ZNF536: variants seen among roughly 807,000 people sequenced by gnomAD.
ZNF536 encodes zinc finger protein 536.
A neutral mutation model predicts 84.5 loss-of-function variants in ZNF536; 13 were observed. The ratio of observed to expected loss-of-function variants is 0.15; its 90% CI spans 0.10 to 0.24. The LOEUF is 0.24. Ranked by LOEUF, ZNF536 falls within the 10% of genes least tolerant of loss-of-function variation. The pLI is 1.00. For missense variants in ZNF536, 1,536 were observed against 1,747.5 expected (o/e 0.88, Z 2.16); for synonymous variants, 811 against 742.5 (o/e 1.09, Z -1.50).
rs867388704 is a variant in ZNF536 at position 30,548,747 on chromosome 19, A to G, written c.3128A>G (p.Asp1043Gly). ...NTIGVTVNCK[D>G]QAREASKMAL... Reference sequence around the variant, plus strand: ...ATCGGGGTCACAGTCAACTGCAAAGACCAAGCCCGGGAGGCGAGTAAGATG... The same window carrying G: ...ATCGGGGTCACAGTCAACTGCAAAGGCCAAGCCCGGGAGGCGAGTAAGATG... Residue 1043 changes from aspartate to glycine, a missense_variant, in exon 4 of 5, where the codon GAC becomes GGC. Physicochemically the swap from Asp to Gly is moderately conservative, Grantham distance 94. Transcript: ENST00000355537. The G allele has an allele frequency of 1.2e-6, 2 of 1,613,830 alleles. No homozygotes were observed. Among genetic ancestry groups the G allele is most frequent in the African/African-American group, 2.7e-5 (2 of 74,916 alleles).
At chr19:30,452,941 T>C (rs1485703836) in intron 2 of ZNF536, among the ~76,000 whole-genome samples, 1 of 116,254 alleles carries the variant, frequency 8.6e-6, no homozygotes, top group Non-Finnish European at 1.7e-5. Context: ...GGCTTGCAAA[T>C]GCAGAGGAAA....
At chr19:30,500,526 T>C (rs1415933102) in intron 2 of ZNF536, among the ~76,000 whole-genome samples, 2 of 152,160 alleles carry the variant, frequency 1.3e-5, no homozygotes, top group African/African-American at 2.4e-5. Context: ...CTCCTGGTTC[T>C]AGACTCTCAG....
intron 2 of ZNF536, among the ~76,000 whole-genome samples, chr19:30,337,422 C>T (rs958847174): frequency 2.6e-5 from 4 of 152,186 alleles, no homozygotes; most frequent in African/African-American, 4.8e-5. Context: ...TTCCCTTTGC[C>T]GAACTTAGGA....
chr19:30,605,783 T>C (rs967199140), intron 1 of ZNF536, among the ~76,000 whole-genome samples: 1 of 152,164 alleles, frequency 6.6e-6, no homozygotes, highest in Non-Finnish European at 1.5e-5. Flanking sequence ...GACATCACTG[T>C]ATCTTGCAGA....
chr19:30,535,214 G>A (rs557892334), intron 3 of ZNF536, among the ~76,000 whole-genome samples: 4 of 152,284 alleles, frequency 2.6e-5, no homozygotes, highest in East Asian at 3.9e-4. Flanking sequence ...TCAGGGACTC[G>A]TAAATGTAGA....
At chr19:30,227,969 A>G (rs982663863), upstream of ZNF536, among the ~76,000 whole-genome samples, 1 of 152,102 alleles carries the variant, frequency 6.6e-6, no homozygotes, top group Non-Finnish European at 1.5e-5. Flanking sequence ...CGAGTTGGGC[A>G]GCCCCGCGCG....
At chr19:30,310,790 A>T (rs901397680) in intron 2 of ZNF536, among the ~76,000 whole-genome samples, 1 of 152,204 alleles carries the variant, frequency 6.6e-6, no homozygotes, top group Admixed American at 6.5e-5. Context: ...GACTAAATAC[A>T]GACAATTAAC....
intron 1 of ZNF536, among the ~76,000 whole-genome samples, chr19:30,270,374 C>G (rs1297479142): frequency 6.6e-6 from 1 of 152,158 alleles, no homozygotes; most frequent in African/African-American, 2.4e-5. Flanking sequence ...ACTGATTGAC[C>G]TTTTTGGGGC....
chr19:30,260,767 C>A (rs2025165787), intron 1 of ZNF536, among the ~76,000 whole-genome samples: 1 of 152,174 alleles, frequency 6.6e-6, no homozygotes, highest in African/African-American at 2.4e-5. Flanking sequence ...GCTTCAGCCC[C>A]CGGAGCAGGA....
chr19:30,658,063 C>T (rs577605570), intron 1 of ZNF536, among the ~76,000 whole-genome samples: 8 of 150,734 alleles, frequency 5.3e-5, no homozygotes, highest in Non-Finnish European at 1.0e-4. Context: ...CGCTGTATCA[C>T]CCAGGCTGGA....
At chr19:30,566,696 T>C (rs1212511866) in intron 1 of ZNF536, among the ~76,000 whole-genome samples, 1 of 149,766 alleles carries the variant, frequency 6.7e-6, no homozygotes, top group Non-Finnish European at 1.5e-5. Flanking sequence ...ATGTGGCCCC[T>C]CTGGACAGTG....
chr19:30,505,461 A>G (rs923170295), intron 2 of ZNF536, among the ~76,000 whole-genome samples: 7 of 148,480 alleles, frequency 4.7e-5, no homozygotes, highest in African/African-American at 1.5e-4. Flanking sequence ...AATAAGATGT[A>G]TCATCAATAA....
chr19:30,254,059 G>T (rs2145136282), intron 1 of ZNF536, among the ~76,000 whole-genome samples: 1 of 152,198 alleles, frequency 6.6e-6, no homozygotes, highest in Non-Finnish European at 1.5e-5. Flanking sequence ...CACTATTGCT[G>T]TATGACGATT....
chr19:30,580,473 G>T (rs1039385742), intron 1 of ZNF536, among the ~76,000 whole-genome samples: 7 of 152,146 alleles, frequency 4.6e-5, no homozygotes, highest in Non-Finnish European at 8.8e-5. Context: ...GATTAGTGAG[G>T]CACACCTCCA....
rs200112875 is a variant in ZNF536 at position 30,608,333 on chromosome 19, AT to A, written c.169+58828del. Reference sequence around the variant, plus strand: ...TCACAGGAAGTATTTACCTAGGGTCATTTTTTTTTGCAGGTAAACACTTCTT... The same window carrying A: ...TCACAGGAAGTATTTACCTAGGGTCATTTTTTTTGCAGGTAAACACTTCTT... On this transcript the variant is annotated intron_variant, in intron 1 of 1. Transcript: ENST00000592773. Among the ~76,000 whole-genome samples the A allele has an allele frequency of 4.0e-5, 6 of 150,990 alleles. No homozygotes were observed. The South Asian group carries it at 1.1e-3, about 27-fold the overall frequency.
intron 1 of ZNF536, among the ~76,000 whole-genome samples, chr19:30,660,671 A>G (rs1321517788): frequency 6.6e-6 from 1 of 152,214 alleles, no homozygotes; most frequent in East Asian, 1.9e-4. Flanking sequence ...TATATATTTG[A>G]TACAACTTTT....
intron 1 of ZNF536, among the ~76,000 whole-genome samples, chr19:30,384,096 T>TTCTC (rs773073556): frequency 3.5e-4 from 37 of 104,536 alleles, no homozygotes; most frequent in African/African-American, 1.1e-3. Flanking sequence ...GCCCACCTCT[T>TTCTC]TCTCTTTCTT....
At chr19:30,595,415 G>C (rs1176275520) in intron 1 of ZNF536, among the ~76,000 whole-genome samples, 1 of 152,132 alleles carries the variant, frequency 6.6e-6, no homozygotes, top group African/African-American at 2.4e-5. Context: ...AGCCTCCCGA[G>C]TAGCTGGCAT....
chr19:30,396,592 C>CTCTT (rs1299362380), intron 1 of ZNF536, among the ~76,000 whole-genome samples: 3 of 112,402 alleles, frequency 2.7e-5, no homozygotes, highest in Non-Finnish European at 3.6e-5. Flanking sequence ...AGGGCTCTCT[C>CTCTT]TTTTTTTTTT....
Sources: allele counts gnomAD v4.1 joint callset (sites outside exome capture counted in the v4.1 genomes callset), GRCh38; gene constraint gnomAD v4.1.1; transcripts MANE v1.5; gene names NCBI Gene and HGNC (gene_info 2026-07-23, HGNC 2026-07-21).